MTUS2: variants seen among roughly 807,000 people sequenced by gnomAD.
MTUS2 encodes the protein microtubule-associated tumor suppressor candidate 2.
Under a neutral mutation model 114.1 loss-of-function variants are expected in MTUS2, and 40 were observed. That is an observed-to-expected ratio of 0.35 (90% CI 0.27 to 0.46). The LOEUF is 0.46. MTUS2 is among the 20% of genes least tolerant of loss of function. The probability of loss-of-function intolerance (pLI) is 1.00; values close to 1 mark genes in which losing one functional copy is unlikely to be tolerated. For synonymous variants in MTUS2, 688 were observed against 672.0 expected, an observed-to-expected ratio of 1.02 and a Z score of -0.37; for missense variants, 1,679 against 1,705.4, an observed-to-expected ratio of 0.98 and a Z score of 0.27.
chr13:29,303,896 G>A (rs1353821214), intron 6 of MTUS2, among the ~76,000 whole-genome samples: 2 of 152,144 alleles, frequency 1.3e-5, no homozygotes, highest in African/African-American at 4.8e-5. Context: ...AGAAAGGCCA[G>A]GTCACCTACA....
rs558668550 is a variant in MTUS2, at chr13:29,473,654, A to G, written c.3185-6496A>G. 2.4e-3 allele frequency among the ~76,000 whole-genome samples: 360 copies of G among 152,330 alleles called. 2 individuals carry two copies. Among genetic ancestry groups the G allele is most frequent in the African/African-American group, 8.4e-3 (350 of 41,584 alleles). On this transcript the variant is annotated intron_variant, in intron 9 of 15. Coordinates refer to ENST00000612955, the MANE Select transcript of MTUS2 (RefSeq NM_001033602.4). ...AGATGTGTGTGTATTATTCATTGTC[A>G]ATAATCATCAGTTATTTAAAACTGT... is the stretch of plus-strand genomic sequence containing the variant.
intron 9 of MTUS2, among the ~76,000 whole-genome samples, chr13:29,444,696 T>C (rs1221865698): frequency 6.6e-6 from 1 of 152,152 alleles, no homozygotes; most frequent in Non-Finnish European, 1.5e-5. Flanking sequence ...TCATTTGGGA[T>C]AAGCCCAGGA....
intron 4 of MTUS2, among the ~76,000 whole-genome samples, chr13:29,051,810 A>G (rs902178188): frequency 6.6e-6 from 1 of 152,252 alleles, no homozygotes; most frequent in African/African-American, 2.4e-5. Context: ...CTTATTAGCC[A>G]GAGAGAGGGA....
intron 5 of MTUS2, among the ~76,000 whole-genome samples, chr13:29,192,003 T>C (rs980629099): frequency 7.2e-5 from 11 of 152,178 alleles, no homozygotes; most frequent in African/African-American, 2.4e-4. Context: ...TTGGAAGAGA[T>C]GAACAGTATA....
chr13:28,859,540 C>G (rs906304975), intron 2 of MTUS2, among the ~76,000 whole-genome samples: 1 of 152,176 alleles, frequency 6.6e-6, no homozygotes, highest in African/African-American at 2.4e-5. Flanking sequence ...GGGCATCTGC[C>G]AGCTTTCTAA....
intron 11 of MTUS2, among the ~76,000 whole-genome samples, chr13:29,492,144 GTGTGTA>G (rs1450815891): frequency 4.3e-4 from 10 of 23,388 alleles, no homozygotes; most frequent in Non-Finnish European, 2.6e-3. Flanking sequence ...TGTGTGGTAG[GTGTGTA>G]TGTGTGTGTG....
intron 2 of MTUS2, among the ~76,000 whole-genome samples, chr13:28,907,725 C>T (rs1880130492): frequency 6.6e-6 from 1 of 151,494 alleles, no homozygotes; most frequent in South Asian, 2.1e-4. Flanking sequence ...TATATGCACC[C>T]AATACAGGAG....
Position 29,176,124 on chromosome 13 carries a change from T to C in MTUS2, c.2644+75154T>C, listed in dbSNP as rs184691917. Reference sequence around the variant, plus strand: ...TCAAGGTAGCTCAGTTTCTGCAGGGTTGAAAATGTTGTCTTTTGAGTAAAT... The same window carrying C: ...TCAAGGTAGCTCAGTTTCTGCAGGGCTGAAAATGTTGTCTTTTGAGTAAAT... On this transcript the variant is annotated intron_variant, in intron 5 of 15. Coordinates refer to ENST00000612955, the MANE Select transcript of MTUS2 (RefSeq NM_001033602.4). Among the ~76,000 whole-genome samples, 6 of 152,298 alleles carry C rather than the reference T, an allele frequency of 3.9e-5. No homozygotes were observed. The East Asian group carries it at 1.2e-3, about 29-fold the overall frequency.
Position 29,389,465 on chromosome 13 carries a change from GTGTA to G in MTUS2, c.3117+29994_3117+29997del, listed in dbSNP as rs1566173162. Among the ~76,000 whole-genome samples the G allele has an allele frequency of 3.6e-4, 38 of 105,108 alleles. 3 individuals are homozygous for G. The highest frequency in any genetic ancestry group is 9.3e-4 in the African/African-American group (29 of 31,310). The allele number at this position is 105,108 out of a possible 152,430, so 69.0% of individuals were successfully genotyped here. On this transcript the variant is annotated intron_variant, in intron 8 of 15. Coordinates refer to ENST00000612955, the MANE Select transcript of MTUS2 (RefSeq NM_001033602.4). ...TGTGTATGTATACACGTGTGTGTAT[GTGTA>G]TATGTATACACGTGTGTGTATGTGT...
In MTUS2 at chr13:29,503,198, C is replaced by T. The variant is rs1883023213; in HGVS notation, c.4102C>T (p.Pro1368Ser). Reference protein sequence around the residue: ...PSSPARVSTTPR With the variant: ...PSSPARVSTTSR ...CTCTCCGGCCAGAGTCAGCACAACACCCAGATGACGCCACTACACGGCCTG... is the reference window on the plus strand; with the variant it reads ...CTCTCCGGCCAGAGTCAGCACAACATCCAGATGACGCCACTACACGGCCTG... Residue 1368 changes from proline to serine, a missense_variant, in exon 16 of 16, where the codon CCC (proline) becomes TCC (serine). Coordinates refer to ENST00000612955, the MANE Select transcript of MTUS2 (RefSeq NM_001033602.4). 6.2e-7 allele frequency: 1 copy of T among 1,613,680 alleles called. No homozygotes were observed. Among genetic ancestry groups the T allele is most frequent in the Non-Finnish European group, 8.5e-7 (1 of 1,180,036 alleles).
At chr13:29,390,523 C>T (rs189915436) in intron 8 of MTUS2, among the ~76,000 whole-genome samples, 262 of 151,166 alleles carry the variant, frequency 1.7e-3, no homozygotes, top group African/African-American at 3.4e-3. Flanking sequence ...CATGGTGGCA[C>T]GTGCCTATTA....
At chr13:29,275,262 G>A (rs1467332846) in intron 5 of MTUS2, among the ~76,000 whole-genome samples, 1 of 152,062 alleles carries the variant, frequency 6.6e-6, no homozygotes, top group Non-Finnish European at 1.5e-5. Context: ...TAGTAAGTAT[G>A]TATATTTATG....
At chr13:29,333,618 A>G (rs142131014) in intron 7 of MTUS2, among the ~76,000 whole-genome samples, 113 of 152,208 alleles carry the variant, frequency 7.4e-4, no homozygotes, top group African/African-American at 2.7e-3. Flanking sequence ...TATGTGGTCA[A>G]TTATAGAATA....
At chr13:29,050,430 A>C (rs1887838929) in intron 4 of MTUS2, among the ~76,000 whole-genome samples, 1 of 151,944 alleles carries the variant, frequency 6.6e-6, no homozygotes, top group South Asian at 2.1e-4. Context: ...AAGTGACCCC[A>C]TCCTCACCAC....
chr13:29,129,161 T>C (rs1471735090), intron 5 of MTUS2, among the ~76,000 whole-genome samples: 3 of 151,212 alleles, frequency 2.0e-5, no homozygotes, highest in Non-Finnish European at 4.4e-5. Context: ...ATTCAGGTAT[T>C]GGAATGGAAC....
rs146685479 is a variant in MTUS2 at position 28,998,862 on chromosome 13, T to G, written c.-242-25595T>G. Among the ~76,000 whole-genome samples the G allele has an allele frequency of 5.8e-3, 887 of 152,336 alleles. 8 individuals carry two copies. The highest frequency in any genetic ancestry group is 0.02 in the African/African-American group (846 of 41,578). On this transcript the variant is annotated intron_variant, in intron 2 of 15. Transcript: ENST00000612955. ...CTTCCTCCTTTAGCTCGGAGTAGTTTGATCTTCTGAAGCCTTCTTCTCTGA... is the reference window on the plus strand; with the variant it reads ...CTTCCTCCTTTAGCTCGGAGTAGTTGGATCTTCTGAAGCCTTCTTCTCTGA...
intron 2 of MTUS2, among the ~76,000 whole-genome samples, chr13:28,861,374 G>A (rs1052369396): frequency 6.6e-6 from 1 of 151,888 alleles, no homozygotes; most frequent in African/African-American, 2.4e-5. Flanking sequence ...GGCCTGGCAT[G>A]GGTACAGTTC....
Position 29,492,638 on chromosome 13 carries a change from C to A in MTUS2, c.3506-8C>A. 5.6e-6 allele frequency: 9 copies of A among 1,610,484 alleles called. No homozygotes were observed. The highest frequency in any genetic ancestry group is 7.6e-6 in the Non-Finnish European group (9 of 1,177,292). ...GACCAACTTGACAATTTAATGTCTT[C>A]TTTCCAGAATTGATGTCCACTCATG... On this transcript the variant is annotated splice_polypyrimidine_tract_variant and splice_region_variant and intron_variant, in intron 11 of 15. Transcript: ENST00000612955.
At chr13:29,398,239 C>T (rs1874055432) in intron 8 of MTUS2, among the ~76,000 whole-genome samples, 1 of 151,866 alleles carries the variant, frequency 6.6e-6, no homozygotes, top group Non-Finnish European at 1.5e-5. Flanking sequence ...GGCGGGTGGA[C>T]CACCTGAGGT....
Sources: allele counts gnomAD v4.1 joint callset (sites outside exome capture counted in the v4.1 genomes callset), GRCh38; gene constraint gnomAD v4.1.1; transcripts MANE v1.5; gene names NCBI Gene and HGNC (gene_info 2026-07-23, HGNC 2026-07-21).